The following RAB3IP variants were observed in gnomAD, a reference collection of about 807,000 sequenced individuals.
RAB3IP encodes RAB3A interacting protein, also known as rab-3A-interacting protein.
In RAB3IP, 36 loss-of-function variants were observed where a neutral mutation model predicts 59.1. That is an observed-to-expected ratio of 0.61 (90% CI 0.47 to 0.80). The LOEUF is 0.80. Among genes scored for constraint, RAB3IP ranks in the 30% least tolerant of loss-of-function variants. The pLI, the probability that RAB3IP is intolerant of heterozygous loss-of-function variation, is 0.00. For missense variants in RAB3IP, 511 were observed against 536.0 expected, an observed-to-expected ratio of 0.95 and a Z score of 0.46; for synonymous variants, 207 against 191.2, an observed-to-expected ratio of 1.08 and a Z score of -0.68.
chr12:69,803,377 T>C (rs1193954210), intron 8 of RAB3IP, among the ~76,000 whole-genome samples: 2 of 152,134 alleles, frequency 1.3e-5, no homozygotes, highest in Non-Finnish European at 2.9e-5. Flanking sequence ...AGTGTGAAGA[T>C]AATGACTAAG....
At chr12:69,797,477 C>CTTTTTTTTTTTTTT in intron 6 of RAB3IP, among the ~76,000 whole-genome samples, 171 of 54,864 alleles carry the variant, frequency 3.1e-3, no homozygotes, top group East Asian at 5.1e-3. Flanking sequence ...TCTTTTCTTT[C>CTTTTTTTTTTTTTT]TTTTTTTTTT....
rs1251558430 is a variant in RAB3IP at position 69,816,949 on chromosome 12, G to A, written c.*1503G>A. ...AGTACCATGCCTAGCTCAAGAATGT[G>A]AAATTGAACCTGAAAAAAACTTTGA... On this transcript the variant is annotated 3_prime_UTR_variant, in exon 11 of 11. Transcript: ENST00000247833. 1 of 152,128 alleles carries A rather than the reference G, an allele frequency of 6.6e-6. No individual in the cohort carries two copies. Among genetic ancestry groups the A allele is most frequent in the Non-Finnish European group, 1.5e-5 (1 of 68,024 alleles). The allele number at this position is 152,128 out of a possible 1,614,324, so 9.4% of individuals were successfully genotyped here.
chr12:69,749,897 G>A (rs889449018), intron 1 of RAB3IP, among the ~76,000 whole-genome samples: 30 of 152,260 alleles, frequency 2.0e-4, no homozygotes, highest in African/African-American at 7.2e-4. Flanking sequence ...CCAGATCCTG[G>A]CACAGAGTAG....
chr12:69,772,061 A>G (rs993881265), intron 3 of RAB3IP, among the ~76,000 whole-genome samples: 2 of 152,156 alleles, frequency 1.3e-5, no homozygotes, highest in African/African-American at 4.8e-5. Flanking sequence ...CTGTTATTGT[A>G]TGACAGTCTA....
At chr12:69,799,611 G>T (rs1016435592) in intron 6 of RAB3IP, among the ~76,000 whole-genome samples, 1 of 151,992 alleles carries the variant, frequency 6.6e-6, no homozygotes, top group Admixed American at 6.6e-5. Context: ...AAGGCTTTAC[G>T]TATTCTTTTT....
chr12:69,816,432 A>G lies in RAB3IP; in HGVS notation c.*986A>G, dbSNP rs1253189974. The G allele has an allele frequency of 2.0e-5, 3 of 152,216 alleles. No individual in the cohort carries two copies. The highest frequency in any genetic ancestry group is 7.2e-5 in the African/African-American group (3 of 41,454). The allele number at this position is 152,216 out of a possible 1,614,324, so 9.4% of individuals were successfully genotyped here. ...CAGCTTTCAGATATTTTCTACTTAC[A>G]TATGCATATTTTTGAAACAAAAAGT... On this transcript the variant is annotated 3_prime_UTR_variant, in exon 11 of 11. Coordinates refer to ENST00000247833, the MANE Select transcript of RAB3IP (RefSeq NM_022456.5).
intron 3 of RAB3IP, among the ~76,000 whole-genome samples, chr12:69,758,678 G>C (rs908430464): frequency 1.4e-5 from 2 of 144,692 alleles, no homozygotes; most frequent in African/African-American, 5.1e-5. Context: ...CTTTTAAAGA[G>C]ACTTAAATAA....
At chr12:69,793,074 C>T (rs1449638174) in intron 4 of RAB3IP, among the ~76,000 whole-genome samples, 1 of 151,100 alleles carries the variant, frequency 6.6e-6, no homozygotes, top group Non-Finnish European at 1.5e-5. Context: ...TGTTGACAGC[C>T]ACTTGTCCCA....
intron 1 of RAB3IP, among the ~76,000 whole-genome samples, chr12:69,747,709 A>G (rs898488309): frequency 6.6e-6 from 1 of 152,226 alleles, no homozygotes; most frequent in African/African-American, 2.4e-5. Context: ...AAGCTATTTC[A>G]TGAGATAGTG....
chr12:69,809,760 T>C (rs1475701725), intron 8 of RAB3IP, among the ~76,000 whole-genome samples: 1 of 152,224 alleles, frequency 6.6e-6, no homozygotes, highest in Non-Finnish European at 1.5e-5. Flanking sequence ...TCAGGTCCTT[T>C]AAGGACTTCT....
Position 69,800,276 on chromosome 12 carries a change from CT to C in RAB3IP, c.959del (p.Phe320SerfsTer2). ...KDEPTMDRTC[P>X]FLDKIYQEDI... Reference sequence around the variant, plus strand: ...GAGCCCACAATGGACAGGACGTGTCCTTTCTTAGACAAAATCTACCAGGAAG... The same window carrying C: ...GAGCCCACAATGGACAGGACGTGTCCTTCTTAGACAAAATCTACCAGGAAG... On this transcript the variant is annotated frameshift_variant, in exon 7 of 11. Coordinates refer to ENST00000247833, the MANE Select transcript of RAB3IP (RefSeq NM_022456.5). LOFTEE classifies it high-confidence loss of function. 1 of 1,597,036 alleles carries C rather than the reference CT, an allele frequency of 6.3e-7. No homozygotes were observed. The highest frequency in any genetic ancestry group is 8.5e-7 in the Non-Finnish European group (1 of 1,170,594).
chr12:69,755,431 G>T lies in RAB3IP; in HGVS notation c.23G>T (p.Gly8Val). ...GCTATGGCTAATGATCCCTTGGAAGGCTTCCATGAAGTAAACCTTGCTTCA... is the reference window on the plus strand; with the variant it reads ...GCTATGGCTAATGATCCCTTGGAAGTCTTCCATGAAGTAAACCTTGCTTCA... MANDPLE[G>V]FHEVNLASPT... The change falls in exon 2 of 11, where the codon GGC (glycine) becomes GTC (valine). Residue 8 changes from glycine to valine, a missense_variant. Coordinates refer to ENST00000247833, the MANE Select transcript of RAB3IP (RefSeq NM_022456.5). 6.2e-7 allele frequency: 1 copy of T among 1,613,930 alleles called. No homozygotes were observed. Among genetic ancestry groups the T allele is most frequent in the Non-Finnish European group, 8.5e-7 (1 of 1,179,872 alleles).
intron 1 of RAB3IP, among the ~76,000 whole-genome samples, chr12:69,749,148 A>T (rs7297901): frequency 2.0e-5 from 3 of 151,998 alleles, no homozygotes; most frequent in Non-Finnish European, 4.4e-5. Context: ...GCAGGAGGTA[A>T]GTGGCAGAAG....
chr12:69,806,287 G>A (rs1879254490), intron 8 of RAB3IP, among the ~76,000 whole-genome samples: 1 of 152,288 alleles, frequency 6.6e-6, no homozygotes, highest in Non-Finnish European at 1.5e-5. Flanking sequence ...TTTGCATAGA[G>A]GTGTTTATAG....
In RAB3IP at chr12:69,756,482, AC is replaced by A; in HGVS notation, c.330del (p.Asp110GlufsTer15). The A allele has an allele frequency of 6.2e-7, 1 of 1,614,136 alleles. No individual in the cohort carries two copies. Among genetic ancestry groups the A allele is most frequent in the Non-Finnish European group, 8.5e-7 (1 of 1,179,988 alleles). Reference sequence around the variant, plus strand: ...TTAACTAAATTAACTACAAGAAAGGACAACTATAATGCAGAGAGAGAGTTTT... The same window carrying A: ...TTAACTAAATTAACTACAAGAAAGGAAACTATAATGCAGAGAGAGAGTTTT... ...AGLTKLTTRK[D>X]NYNAEREFLQ... On this transcript the variant is annotated frameshift_variant, in exon 3 of 11. Transcript: ENST00000247833. LOFTEE classifies it high-confidence loss of function.
chr12:69,756,290 T>C, intron 2 of RAB3IP, 115 bp from the exon 3 acceptor site: 2 of 1,034,746 alleles, frequency 1.9e-6, no homozygotes, highest in Non-Finnish European at 2.8e-6. Flanking sequence ...ACATACTATT[T>C]ATTTAAATAT....
At chr12:69,814,974 A>G (rs1880966659) in intron 10 of RAB3IP, among the ~76,000 whole-genome samples, 2 of 152,180 alleles carry the variant, frequency 1.3e-5, no homozygotes, top group Admixed American at 1.3e-4. Context: ...GTTAATGAAG[A>G]GTAAAATGGC....
At chr12:69,759,680 G>GT (rs1444182380) in intron 3 of RAB3IP, among the ~76,000 whole-genome samples, 3 of 139,998 alleles carry the variant, frequency 2.1e-5, no homozygotes, top group Non-Finnish European at 4.7e-5. Flanking sequence ...CCCGGACGGG[G>GT]CGGCTGGCCG....
intron 1 of RAB3IP, among the ~76,000 whole-genome samples, chr12:69,745,433 T>C (rs536739595): frequency 6.6e-6 from 1 of 151,994 alleles, no homozygotes; most frequent in East Asian, 1.9e-4. Flanking sequence ...ATGTGCTGTT[T>C]TTTTTTTTCC....
Sources: gnomAD v4.1 joint callset for allele counts (sites outside exome capture counted in the v4.1 genomes callset) on GRCh38, gnomAD v4.1.1 for gene constraint, MANE v1.5 for transcripts, NCBI Gene and HGNC (gene_info 2026-07-23, HGNC 2026-07-21) for gene names.